The following GALNT2 variants were observed in gnomAD, a reference collection of about 807,000 sequenced individuals.
The protein encoded by GALNT2 is polypeptide N-acetylgalactosaminyltransferase 2.
A neutral mutation model predicts 81.4 loss-of-function variants in GALNT2; 31 were observed. That is an observed-to-expected ratio of 0.38 (90% confidence interval 0.29 to 0.51). The LOEUF is 0.51. GALNT2 is among the 20% of genes least tolerant of loss of function. The pLI is 0.87. For missense variants in GALNT2, 629 were observed against 765.7 expected (o/e 0.82, Z 2.11); for synonymous variants, 303 against 287.4 (o/e 1.05, Z -0.55).
At position 230,067,331 on chromosome 1, in the gene GALNT2, G is replaced by A; in HGVS notation, c.51G>A (p.Leu17=). ...MLLCFAFLWV[L]GIAYYMYSGG... is the part of the protein sequence containing the mutation. ...TCTGCTTCGCCTTCCTGTGGGTGCT[G>A]GGCATCGCCTACTACATGTACTCGG... The change falls in exon 1 of 16, where the codon CTG becomes CTA. Residue 17 remains leucine, a synonymous_variant. Transcript: ENST00000366672. 1 of 1,391,348 alleles carries A rather than the reference G, an allele frequency of 7.2e-7. No individual in the cohort carries two copies. Among genetic ancestry groups the A allele is most frequent in the Non-Finnish European group, 9.4e-7 (1 of 1,059,704 alleles). 86.2% of individuals were successfully genotyped at this position (1,391,348 alleles called of 1,614,324 possible).
intron 2 of GALNT2, among the ~76,000 whole-genome samples, chr1:230,190,569 G>A (rs925478840): frequency 6.6e-6 from 1 of 152,194 alleles, no homozygotes; most frequent in Non-Finnish European, 1.5e-5. Context: ...TTGCTGAGAC[G>A]TCTCTCCACA....
In GALNT2 at chr1:230,266,989, GACAC is replaced by G. The variant is rs35956776; in HGVS notation, c.1440+1648_1440+1651del. ...GCTTCCAGTGCCTGTGCACGTGTGT[GACAC>G]ACACACACACACACACACACACACA... On this transcript the variant is annotated intron_variant, in intron 14 of 15. Coordinates refer to ENST00000366672, the MANE Select transcript of GALNT2 (RefSeq NM_004481.5). Among the ~76,000 whole-genome samples the G allele has an allele frequency of 6.5e-3, 951 of 146,756 alleles. 5 individuals carry two copies. Among genetic ancestry groups the G allele is most frequent in the South Asian group, 0.025 (115 of 4,624 alleles).
chr1:230,135,885 G>C (rs1661523139), intron 1 of GALNT2, among the ~76,000 whole-genome samples: 1 of 151,586 alleles, frequency 6.6e-6, no homozygotes, highest in Non-Finnish European at 1.5e-5. Flanking sequence ...ATAGATGGGG[G>C]TCTCACTGTG....
At chr1:230,150,613 T>TTTTG (rs1416628130) in intron 1 of GALNT2, among the ~76,000 whole-genome samples, 2 of 152,210 alleles carry the variant, frequency 1.3e-5, no homozygotes, top group Non-Finnish European at 2.9e-5. Context: ...AGCATTTTTG[T>TTTTG]TTTGTTTGTT....
intron 1 of GALNT2, among the ~76,000 whole-genome samples, chr1:230,082,466 T>C (rs1307941404): frequency 6.6e-6 from 1 of 152,240 alleles, no homozygotes; most frequent in Non-Finnish European, 1.5e-5. Flanking sequence ...CATCTCTTCC[T>C]AGGGCCTCTG....
intron 1 of GALNT2, among the ~76,000 whole-genome samples, chr1:230,159,442 T>C (rs1662363997): frequency 6.6e-6 from 1 of 152,256 alleles, no homozygotes; most frequent in Admixed American, 6.5e-5. Context: ...TTTCTTTGTT[T>C]GGATCCCTGC....
chr1:230,279,353 C>A lies in GALNT2; in HGVS notation c.1611C>A (p.Asn537Lys), dbSNP rs748557947. 9 of 1,614,050 alleles carry A rather than the reference C, an allele frequency of 5.6e-6. No homozygotes were observed. The highest frequency in any genetic ancestry group is 7.6e-6 in the Non-Finnish European group (9 of 1,180,040). Residue 537 changes from asparagine (N) to lysine (K), a missense_variant, in exon 16 of 16, where the codon AAC (asparagine) becomes AAA (lysine). Transcript: ENST00000366672. The surrounding 1 kb of genome is among the most constrained non-coding windows in gnomAD (Gnocchi z 4.6). ...GNSKLRHVGS[N>K]LCLDSRTAKS... ...CCAAGCTGAGGCACGTGGGCAGCAA[C>A]CTGTGCCTGGACAGTCGCACGGCCA...
At chr1:230,255,426 C>T in intron 11 of GALNT2, 82 bp downstream of exon 11, 2 of 1,569,236 alleles carry the variant, frequency 1.3e-6, no homozygotes, top group Non-Finnish European at 1.7e-6. Context: ...TGTTTGAGGA[C>T]AGATGTCCTT....
intron 1 of GALNT2, among the ~76,000 whole-genome samples, chr1:230,131,393 A>G (rs1434764603): frequency 6.6e-6 from 1 of 152,062 alleles, no homozygotes; most frequent in Non-Finnish European, 1.5e-5. Context: ...AAATCAAAAA[A>G]CCTTTGAATC....
intron 1 of GALNT2, among the ~76,000 whole-genome samples, chr1:230,108,664 C>T (rs1470248495): frequency 6.6e-6 from 1 of 152,204 alleles, no homozygotes; most frequent in African/African-American, 2.4e-5. Flanking sequence ...CATAGCTTAG[C>T]CTCACCTGCC....
chr1:230,080,626 G>C (rs548577782), intron 1 of GALNT2, among the ~76,000 whole-genome samples: 1 of 152,266 alleles, frequency 6.6e-6, no homozygotes, highest in Non-Finnish European at 1.5e-5. Flanking sequence ...AGCTAGCTCT[G>C]GGTGTCTTTC....
chr1:230,210,085 A>G (rs1463984496), intron 3 of GALNT2, among the ~76,000 whole-genome samples: 1 of 152,170 alleles, frequency 6.6e-6, no homozygotes, highest in Admixed American at 6.5e-5. Context: ...GCGCTTAGGA[A>G]GTGAGTGTCG....
chr1:230,103,594 G>C (rs1477711853), intron 1 of GALNT2, among the ~76,000 whole-genome samples: 1 of 152,136 alleles, frequency 6.6e-6, no homozygotes, highest in African/African-American at 2.4e-5. Context: ...GGGCTCACCA[G>C]GGCATGAGTT....
intron 1 of GALNT2, among the ~76,000 whole-genome samples, chr1:230,155,197 T>A (rs75863546): frequency 0.015 from 2,231 of 152,232 alleles, 61 homozygotes; most frequent in African/African-American, 0.05. Context: ...TTCTCTCACA[T>A]CTGTGGAGCG....
At chr1:230,204,132 T>C (rs114314828) in intron 3 of GALNT2, among the ~76,000 whole-genome samples, 2,549 of 150,012 alleles carry the variant, frequency 0.017, 65 homozygotes, top group African/African-American at 0.06. Flanking sequence ...CATGAACCAC[T>C]GCTCTCCTGA....
chr1:230,089,307 C>T (rs1017451465), intron 1 of GALNT2, among the ~76,000 whole-genome samples: 3 of 151,846 alleles, frequency 2.0e-5, no homozygotes, highest in Non-Finnish European at 2.9e-5. Flanking sequence ...CCACCATGCC[C>T]GGCTGTTTTT....
chr1:230,075,629 A>G (rs1659523822), intron 1 of GALNT2, among the ~76,000 whole-genome samples: 1 of 152,102 alleles, frequency 6.6e-6, no homozygotes. Flanking sequence ...TTGGGAGTAC[A>G]CCAGTTGTTG....
chr1:230,279,922 C>T lies in GALNT2; in HGVS notation c.*464C>T, dbSNP rs750616962. The T allele has an allele frequency of 1.5e-5, 7 of 456,678 alleles. No homozygotes were observed. The highest frequency in any genetic ancestry group is 3.1e-5 in the South Asian group (2 of 64,570). 28.3% of individuals were successfully genotyped at this position (456,678 alleles called of 1,614,324 possible). On this transcript the variant is annotated 3_prime_UTR_variant, in exon 16 of 16. Transcript: ENST00000366672. This position sits in a 1 kb window ranked among gnomAD's most constrained non-coding sequence, Gnocchi z 4.6. ...ACGTATGGTTTCCACAAAGCCGAGTCGTGTCACGTGGCAGGTTTACGTCAA... is the reference window on the plus strand; with the variant it reads ...ACGTATGGTTTCCACAAAGCCGAGTTGTGTCACGTGGCAGGTTTACGTCAA...
intron 10 of GALNT2, 26 bp from the exon 11 acceptor site, chr1:230,255,192 C>T (rs1466387950): frequency 6.2e-7 from 1 of 1,614,148 alleles, no homozygotes; most frequent in Non-Finnish European, 8.5e-7. Flanking sequence ...CTCTGTCAGT[C>T]ACCTGTGTCT....
Sources: allele counts gnomAD v4.1 joint callset (sites outside exome capture counted in the v4.1 genomes callset), GRCh38; gene constraint gnomAD v4.1.1; non-coding constraint Gnocchi (gnomAD v3.1); transcripts MANE v1.5; gene names NCBI Gene and HGNC (gene_info 2026-07-23, HGNC 2026-07-21).